The following AKIP1 variants were observed in gnomAD, a reference collection of about 807,000 sequenced individuals.
The protein encoded by AKIP1 is A-kinase-interacting protein 1.
In AKIP1, 18 loss-of-function variants were observed where a neutral mutation model predicts 22.3. The observed-to-expected ratio is 0.81, with a 90% CI of 0.56 to 1.19. The LOEUF (loss-of-function observed/expected upper bound fraction) is 1.19, where lower values mean the gene tolerates loss of function less well. Among genes scored for constraint, AKIP1 ranks in the 50% most tolerant of loss-of-function variants. The pLI is 0.00. For missense variants in AKIP1, 287 were observed against 264.6 expected (o/e 1.08, Z -0.59); for synonymous variants, 120 against 102.7 (o/e 1.17, Z -1.02).
chr11:8,916,128 T>A (rs1419559125), intron 4 of AKIP1, among the ~76,000 whole-genome samples: 3 of 152,110 alleles, frequency 2.0e-5, no homozygotes, highest in Non-Finnish European at 4.4e-5. Flanking sequence ...CCCATTTTTG[T>A]ATTTTTTAAT....
At chr11:8,917,218 A>G in intron 4 of AKIP1, 69 bp from the exon 5 acceptor site, 1 of 1,048,370 alleles carries the variant, frequency 9.5e-7, no homozygotes, top group Non-Finnish European at 1.4e-6. Context: ...ATAAGGTAGA[A>G]GAGAACTTCT....
intron 5 of AKIP1, 83 bp from the exon 6 acceptor site, chr11:8,919,254 C>T: frequency 4.3e-6 from 6 of 1,383,436 alleles, no homozygotes; most frequent in Non-Finnish European, 6.0e-6. Flanking sequence ...CACACCTCTG[C>T]AAGGACAGGT....
rs148939959 is a variant in AKIP1 at position 8,917,306 on chromosome 11, C to T, written c.428C>T (p.Thr143Ile). ...CTTCAGAGAAAAGACAGAAAAAAGA[C>T]ATCCCTTGGTCCTGGAGGCAGCTAT... ...GNGQRKDRKK[T>I]SLGPGGSYQI... Residue 143 changes from threonine to isoleucine, a missense_variant, in exon 5 of 6, where the codon ACA becomes ATA. Transcript: ENST00000309377. The T allele has an allele frequency of 2.9e-5, 46 of 1,608,354 alleles. No individual in the cohort carries two copies. Among genetic ancestry groups the T allele is most frequent in the African/African-American group, 4.0e-5 (3 of 74,772 alleles).
At position 8,911,525 on chromosome 11, in the gene AKIP1, C is replaced by T. The variant is rs142557297; in HGVS notation, c.76C>T (p.Leu26=). The T allele has an allele frequency of 2.6e-5, 42 of 1,609,950 alleles. No homozygotes were observed. Among genetic ancestry groups the T allele is most frequent in the African/African-American group, 2.0e-4 (15 of 74,922 alleles). Residue 26 remains leucine (L), a synonymous_variant, in exon 2 of 6, where the codon CTA becomes TTA. Transcript: ENST00000309377. ...RSLQRSARLA[L]EVLERAKRRA... is the part of the protein sequence containing the mutation. ...CCTGCAGCGTTCAGCAAGGCTGGCTCTAGAAGTGCTGGAGAGGGCCAAGAG... is the reference window on the plus strand; with the variant it reads ...CCTGCAGCGTTCAGCAAGGCTGGCTTTAGAAGTGCTGGAGAGGGCCAAGAG...
chr11:8,918,402 G>T (rs896471324), intron 5 of AKIP1, among the ~76,000 whole-genome samples: 7 of 152,308 alleles, frequency 4.6e-5, no homozygotes, highest in Non-Finnish European at 8.8e-5. Flanking sequence ...CTGCAAGGTA[G>T]GAGGAAGAGG....
Position 8,918,391 on chromosome 11 carries a change from T to C in AKIP1, c.490-946T>C, listed in dbSNP as rs575523132. 2.6e-5 allele frequency among the ~76,000 whole-genome samples: 4 copies of C among 152,306 alleles called. No homozygotes were observed. In the East Asian group the frequency reaches 5.8e-4, roughly 22 times the overall value. ...TTGGAAAAAATTGGCTTCAAATCCA[T>C]CTGCAAGGTAGGAGGAAGAGGGGAA... is the stretch of plus-strand genomic sequence containing the variant. On this transcript the variant is annotated intron_variant, in intron 5 of 5. Coordinates refer to ENST00000309377, the MANE Select transcript of AKIP1 (RefSeq NM_020642.4).
intron 2 of AKIP1, among the ~76,000 whole-genome samples, 198 bp from the exon 3 acceptor site, chr11:8,912,255 T>C (rs1057348995): frequency 1.3e-5 from 2 of 151,682 alleles, no homozygotes; most frequent in African/African-American, 4.8e-5. Context: ...GAGGAAAGCC[T>C]GCAAGCCTGT....
At chr11:8,917,139 C>A in intron 4 of AKIP1, 148 bp from the exon 5 acceptor site, 2 of 544,404 alleles carry the variant, frequency 3.7e-6, no homozygotes, top group African/African-American at 3.7e-5. Context: ...TCACAGAATT[C>A]ACTTAAAAAT....
rs572095481 is a variant in AKIP1 at position 8,915,190 on chromosome 11, G to A, written c.408+260G>A. ...CAGTCCTGGGCCATGGGATTCTCCAGCAGGTTTAAAGAAAAGAGCTTCCAA... is the reference window on the plus strand; with the variant it reads ...CAGTCCTGGGCCATGGGATTCTCCAACAGGTTTAAAGAAAAGAGCTTCCAA... On this transcript the variant is annotated intron_variant, in intron 4 of 5. Transcript: ENST00000309377. Among the ~76,000 whole-genome samples, 29 of 152,178 alleles carry A rather than the reference G, an allele frequency of 1.9e-4. 2 individuals are homozygous for A. The South Asian group carries it at 5.6e-3, about 29-fold the overall frequency.
intron 3 of AKIP1, among the ~76,000 whole-genome samples, chr11:8,914,494 A>G (rs886685801): frequency 1.3e-5 from 2 of 152,216 alleles, no homozygotes; most frequent in East Asian, 3.8e-4. Context: ...GGAGGAAATG[A>G]AAGGATATGT....
At chr11:8,913,640 G>A (rs1472668165) in intron 3 of AKIP1, among the ~76,000 whole-genome samples, 1 of 152,208 alleles carries the variant, frequency 6.6e-6, no homozygotes, top group African/African-American at 2.4e-5. Flanking sequence ...GTTTTAAGGA[G>A]GCTGATCCAC....
chr11:8,917,713 C>G (rs1004296153), intron 5 of AKIP1: 2 of 402,656 alleles, frequency 5.0e-6, no homozygotes, highest in African/African-American at 4.0e-5. Flanking sequence ...GGGCACGATC[C>G]TCCTGCTAAC....
chr11:8,912,049 T>C (rs1330313906), intron 2 of AKIP1, among the ~76,000 whole-genome samples: 1 of 151,360 alleles, frequency 6.6e-6, no homozygotes, highest in Non-Finnish European at 1.5e-5. Flanking sequence ...AATACAAAAT[T>C]AGCCGGGCGT....
At position 8,911,982 on chromosome 11, in the gene AKIP1, G is replaced by A. The variant is rs564299077; in HGVS notation, c.222+311G>A. Among the ~76,000 whole-genome samples the A allele has an allele frequency of 1.1e-3, 161 of 151,938 alleles. 2 individuals carry two copies. The highest frequency in any genetic ancestry group is 3.7e-3 in the African/African-American group (152 of 41,464). On this transcript the variant is annotated intron_variant, in intron 2 of 5. Transcript: ENST00000309377. Reference sequence around the variant, plus strand: ...GGAGGCCGAGGCGGGCGGATCACCTGAGGTCGGGAGTTCGAAAGCAGCCTG... The same window carrying A: ...GGAGGCCGAGGCGGGCGGATCACCTAAGGTCGGGAGTTCGAAAGCAGCCTG...
chr11:8,911,629 G>C lies in AKIP1; in HGVS notation c.180G>C (p.Glu60Asp). 12 of 1,590,302 alleles carry C rather than the reference G, an allele frequency of 7.5e-6. No individual in the cohort carries two copies. Among genetic ancestry groups the C allele is most frequent in the Non-Finnish European group, 9.4e-6 (11 of 1,170,102 alleles). The stretch of plus-strand genomic sequence containing the variant: ...TTGCCCGGGAGGCGCCCCACCTAGA[G>C]AAACAGCCGGCAGCCGGCCCGCAGC... ...GVLAREAPHL[E>D]KQPAAGPQRV... The change falls in exon 2 of 6, where the codon GAG (glutamate) becomes GAC (aspartate). Residue 60 changes from glutamate (E) to aspartate (D), a missense_variant. By Grantham distance (45) the Glu-to-Asp change is conservative (BLOSUM62 2). Transcript: ENST00000309377.
intron 3 of AKIP1, among the ~76,000 whole-genome samples, chr11:8,914,619 G>A (rs191264009): frequency 1.3e-5 from 2 of 152,314 alleles, no homozygotes; most frequent in East Asian, 1.9e-4. Flanking sequence ...GTGGCAGCAC[G>A]GGGATGCCAA....
In AKIP1 at chr11:8,911,670, A is replaced by G; in HGVS notation, c.221A>G (p.Glu74Gly). The stretch of plus-strand genomic sequence containing the variant: ...GGCCCGCAGCGCGTTCTCCCGGGAG[A>G]GGTGAGGGTCGCTGTGCCGGGGGCC... ...AAGPQRVLPG[E>G]REERPPTLSA... The change falls in exon 2 of 6, where the codon GAG becomes GGG. Residue 74 changes from glutamate to glycine, a missense_variant and splice_region_variant. Physicochemically the swap from Glu to Gly is moderately conservative, Grantham distance 98. Transcript: ENST00000309377. 6.5e-7 allele frequency: 1 copy of G among 1,534,348 alleles called. No homozygotes were observed. Among genetic ancestry groups the G allele is most frequent in the African/African-American group, 1.4e-5 (1 of 72,988 alleles).
At chr11:8,917,198 C>A in intron 4 of AKIP1, 89 bp from the exon 5 acceptor site, 3 of 785,502 alleles carry the variant, frequency 3.8e-6, no homozygotes, top group South Asian at 5.6e-5. Flanking sequence ...AGAACAATTA[C>A]TAACTCCTAA....
intron 3 of AKIP1, among the ~76,000 whole-genome samples, chr11:8,914,142 T>G (rs1165442942): frequency 6.6e-6 from 1 of 152,216 alleles, no homozygotes; most frequent in Admixed American, 6.5e-5. Context: ...GGTCACATGT[T>G]TTTTAGACAG....
Sources: allele counts gnomAD v4.1 joint callset (sites outside exome capture counted in the v4.1 genomes callset), GRCh38; gene constraint gnomAD v4.1.1; transcripts MANE v1.5; gene names NCBI Gene and HGNC (gene_info 2026-07-23, HGNC 2026-07-21).